ZYG11A: variants seen among roughly 807,000 people sequenced by gnomAD.
ZYG11A encodes zyg-11 family member A, cell cycle regulator, also known as protein zyg-11 homolog A.
Under a neutral mutation model 77.2 loss-of-function variants are expected in ZYG11A, and 62 were observed. The ratio of observed to expected loss-of-function variants is 0.80; its 90% confidence interval spans 0.65 to 0.99. ZYG11A has a LOEUF of 0.99. Among genes scored for constraint, ZYG11A ranks in the 50% least tolerant of loss-of-function variants. ZYG11A has a pLI of 0.00. For synonymous variants in ZYG11A, 315 were observed against 324.6 expected, an observed-to-expected ratio of 0.97 and a Z score of 0.32; for missense variants, 828 against 896.8, an observed-to-expected ratio of 0.92 and a Z score of 0.98.
At chr1:52,883,331 C>T (rs1165983374) in intron 11 of ZYG11A, among the ~76,000 whole-genome samples, 3 of 151,986 alleles carry the variant, frequency 2.0e-5, no homozygotes, top group Admixed American at 1.3e-4. Flanking sequence ...ACCATGTTGG[C>T]CAAGCTGGTC....
intron 1 of ZYG11A, among the ~76,000 whole-genome samples, chr1:52,845,352 C>T (rs1170924346): frequency 6.8e-6 from 1 of 146,432 alleles, no homozygotes; most frequent in Non-Finnish European, 1.5e-5. Flanking sequence ...GTCACTCAGG[C>T]TGGAGTACAG....
In ZYG11A at chr1:52,892,815, A is replaced by G. The variant is rs1366515602; in HGVS notation, c.2138A>G (p.Glu713Gly). 4.5e-6 allele frequency: 7 copies of G among 1,551,642 alleles called. No individual in the cohort carries two copies. Among genetic ancestry groups the G allele is most frequent in the Middle Eastern group, 3.3e-4 (2 of 5,992 alleles). ...SKYCKMLVEE[E>G]GLQLLCDIQE... is the part of the protein sequence containing the mutation. ...TACTGCAAAATGTTAGTTGAAGAAGAAGGATTGCAGCTTTTGTGTGATATC... is the reference window on the plus strand; with the variant it reads ...TACTGCAAAATGTTAGTTGAAGAAGGAGGATTGCAGCTTTTGTGTGATATC... The change falls in exon 14 of 14, where the codon GAA becomes GGA. Residue 713 changes from glutamate to glycine, a missense_variant. Glu to Gly is a moderately conservative substitution (Grantham distance 98). Transcript: ENST00000371528.
intron 4 of ZYG11A, among the ~76,000 whole-genome samples, chr1:52,862,366 C>T (rs1332336772): frequency 6.9e-6 from 1 of 145,474 alleles, no homozygotes; most frequent in Non-Finnish European, 1.5e-5. Flanking sequence ...GGCTGGAGTG[C>T]GGTGGCTTGA....
At position 52,893,002 on chromosome 1, in the gene ZYG11A, G is replaced by C. The variant is rs1369566766; in HGVS notation, c.*45G>C. 1 of 1,508,628 alleles carries C rather than the reference G, an allele frequency of 6.6e-7. No homozygotes were observed. The highest frequency in any genetic ancestry group is 2.0e-5 in the Admixed American group (1 of 49,258). 93.5% of individuals were successfully genotyped at this position (1,508,628 alleles called of 1,614,324 possible). On this transcript the variant is annotated 3_prime_UTR_variant, in exon 14 of 14. Transcript: ENST00000371528. ...TGTGTGCTCTTCCTCAATGTCAGGT[G>C]TTCTGCCCTGGCAGTAATTGCACAT...
chr1:52,876,645 C>G (rs528946309), intron 8 of ZYG11A, among the ~76,000 whole-genome samples: 12 of 152,188 alleles, frequency 7.9e-5, no homozygotes, highest in Non-Finnish European at 1.3e-4. Context: ...TGGCCTTGCT[C>G]TCATTCATCT....
chr1:52,843,688 C>T (rs369518345), intron 1 of ZYG11A, among the ~76,000 whole-genome samples: 24 of 130,498 alleles, frequency 1.8e-4, no homozygotes, highest in Non-Finnish European at 3.2e-4. Context: ...TTCTTTCTTT[C>T]TTTTTTTTTT....
chr1:52,842,784 G>T lies in ZYG11A; in HGVS notation c.-100G>T, dbSNP rs1204458679. The T allele has an allele frequency of 5.2e-6, 6 of 1,158,262 alleles. No homozygotes were observed. The highest frequency in any genetic ancestry group is 3.1e-5 in the East Asian group (1 of 32,692). 71.7% of individuals were successfully genotyped at this position (1,158,262 alleles called of 1,614,324 possible). On this transcript the variant is annotated 5_prime_UTR_variant, in exon 1 of 14. Coordinates refer to ENST00000371528, the MANE Select transcript of ZYG11A (RefSeq NM_001004339.3). Reference sequence around the variant, plus strand: ...CGCTAGCTCCGTGTGCCTCGCAGGCGTGGTGGGCGCGTCCTGGCAGCCGCC... The same window carrying T: ...CGCTAGCTCCGTGTGCCTCGCAGGCTTGGTGGGCGCGTCCTGGCAGCCGCC...
intron 1 of ZYG11A, among the ~76,000 whole-genome samples, chr1:52,852,357 T>G (rs1277245413): frequency 6.8e-6 from 1 of 147,300 alleles, no homozygotes; most frequent in Non-Finnish European, 1.5e-5. Context: ...CGACAGTTAA[T>G]TTTAGAGCAA....
intron 1 of ZYG11A, among the ~76,000 whole-genome samples, chr1:52,846,012 C>G (rs1014709713): frequency 1.3e-5 from 2 of 151,882 alleles, no homozygotes; most frequent in South Asian, 4.1e-4. Flanking sequence ...GGGGTTAAGT[C>G]TACTGTGTTG....
intron 8 of ZYG11A, among the ~76,000 whole-genome samples, chr1:52,872,862 G>A (rs1456784551): frequency 1.6e-5 from 2 of 127,598 alleles, no homozygotes; most frequent in Admixed American, 1.8e-4. Context: ...CAGCATGGAT[G>A]ACAGAGTGAG....
intron 10 of ZYG11A, chr1:52,881,264 T>G: frequency 2.3e-6 from 1 of 443,810 alleles, no homozygotes; most frequent in South Asian, 4.8e-5. Context: ...TGGCACTTAG[T>G]AAGTACTTAT....
chr1:52,873,476 G>A (rs143514781), intron 8 of ZYG11A, among the ~76,000 whole-genome samples: 3 of 152,258 alleles, frequency 2.0e-5, no homozygotes, highest in East Asian at 1.9e-4. Flanking sequence ...AATTATAAAT[G>A]GAGCCTGGAG....
At position 52,867,547 on chromosome 1, in the gene ZYG11A, C is replaced by G; in HGVS notation, c.1400C>G (p.Ala467Gly). The G allele has an allele frequency of 6.4e-7, 1 of 1,550,798 alleles. No homozygotes were observed. The highest frequency in any genetic ancestry group is 8.7e-7 in the Non-Finnish European group (1 of 1,145,840). Reference sequence around the variant, plus strand: ...TAAATACTGCTTTTCAGGTTTGATGCTGCCAAGTTTGTCATGAGATGGCTC... The same window carrying G: ...TAAATACTGCTTTTCAGGTTTGATGGTGCCAAGTTTGTCATGAGATGGCTC... ...LVDVPFDRFD[A>G]AKFVMRWLCK... is the part of the protein sequence containing the mutation. The change falls in exon 7 of 14, where the codon GCT becomes GGT. Residue 467 changes from alanine to glycine, a missense_variant. Transcript: ENST00000371528.
chr1:52,867,939 G>C (rs973470618), intron 8 of ZYG11A, among the ~76,000 whole-genome samples, 162 bp downstream of exon 8: 1 of 145,728 alleles, frequency 6.9e-6, no homozygotes, highest in South Asian at 2.2e-4. Context: ...TATTTCTTTT[G>C]GTATGTACCT....
chr1:52,848,502 A>G (rs1487627777), intron 1 of ZYG11A, among the ~76,000 whole-genome samples: 1 of 152,212 alleles, frequency 6.6e-6, no homozygotes, highest in Non-Finnish European at 1.5e-5. Flanking sequence ...TTAAAAAAAT[A>G]AAATGACATA....
intron 8 of ZYG11A, among the ~76,000 whole-genome samples, chr1:52,870,906 G>A (rs1362996503): frequency 6.6e-6 from 1 of 151,514 alleles, no homozygotes; most frequent in Non-Finnish European, 1.5e-5. Flanking sequence ...GAGAGGGAGA[G>A]GGGATTTTTT....
chr1:52,889,181 T>C (rs1646498463), intron 13 of ZYG11A, among the ~76,000 whole-genome samples: 1 of 152,052 alleles, frequency 6.6e-6, no homozygotes, highest in Admixed American at 6.5e-5. Context: ...TCTCACTTCA[T>C]TGCCAAGGCT....
At chr1:52,866,601 T>G (rs1646031446) in intron 6 of ZYG11A, 34 bp downstream of exon 6, 5 of 1,350,754 alleles carry the variant, frequency 3.7e-6, no homozygotes, top group Middle Eastern at 3.6e-4. Flanking sequence ...GACTGGGGTG[T>G]TGGCCTTTGG....
At chr1:52,881,331 G>C in intron 10 of ZYG11A, 140 bp from the exon 11 acceptor site, 1 of 580,898 alleles carries the variant, frequency 1.7e-6, no homozygotes. Flanking sequence ...TGGGTTTTAG[G>C]CTAGCTTGAG....
Sources: gnomAD v4.1 joint callset for allele counts (sites outside exome capture counted in the v4.1 genomes callset) on GRCh38, gnomAD v4.1.1 for gene constraint, MANE v1.5 for transcripts, NCBI Gene and HGNC (gene_info 2026-07-23, HGNC 2026-07-21) for gene names.